PCDHGA3: variants seen among roughly 807,000 people sequenced by gnomAD.
The protein encoded by PCDHGA3 is protocadherin gamma-A3.
PCDHGA3 carries 40 observed loss-of-function variants against 58.5 expected under a neutral mutation model. The ratio of observed to expected loss-of-function variants is 0.68; its 90% CI spans 0.53 to 0.89. The LOEUF (loss-of-function observed/expected upper bound fraction) is 0.89. PCDHGA3 is among the 40% of genes least tolerant of loss of function. PCDHGA3 has a pLI of 0.00. For synonymous variants in PCDHGA3, 530 were observed against 525.7 expected, an observed-to-expected ratio of 1.01 and a Z score of -0.11; for missense variants, 1,223 against 1,195.9, an observed-to-expected ratio of 1.02 and a Z score of -0.33.
chr5:141,397,287 G>A (rs2093504712), intron 1 of PCDHGA3, among the ~76,000 whole-genome samples: 1 of 152,134 alleles, frequency 6.6e-6, no homozygotes, highest in Admixed American at 6.5e-5. Flanking sequence ...CAGTATACTT[G>A]AATGAATATT....
intron 3 of PCDHGA3, among the ~76,000 whole-genome samples, chr5:141,506,363 C>T (rs1013247178): frequency 4.0e-5 from 6 of 150,792 alleles, no homozygotes; most frequent in South Asian, 4.2e-4. Context: ...GCAGGAGAAT[C>T]GCTTGAACCT....
Position 141,409,092 on chromosome 5 carries a change from A to C in PCDHGA3, c.2424+62635A>C, listed in dbSNP as rs150634031. On this transcript the variant is annotated intron_variant, in intron 1 of 3. Coordinates refer to ENST00000253812, the MANE Select transcript of PCDHGA3 (RefSeq NM_018916.4). ...AAACATATGTTCTCATTGGATGAGA[A>C]AACAGGTATGATTAAGAATAACCAG... 12 of 1,614,050 alleles carry C rather than the reference A, an allele frequency of 7.4e-6. No homozygotes were observed. The East Asian group carries it at 2.7e-4, about 36-fold the overall frequency.
At chr5:141,404,811 G>A (rs2094571358) in intron 1 of PCDHGA3, 1 of 1,606,238 alleles carries the variant, frequency 6.2e-7, no homozygotes, top group African/African-American at 1.4e-5. Flanking sequence ...TTCTCGGTGG[G>A]GCTGCACACA....
intron 1 of PCDHGA3, among the ~76,000 whole-genome samples, chr5:141,447,123 T>G (rs1004463863): frequency 1.3e-5 from 2 of 152,160 alleles, no homozygotes; most frequent in Non-Finnish European, 2.9e-5. Flanking sequence ...CCATGGATTT[T>G]TTTGTTTGTT....
At chr5:141,460,981 GTGTATA>G (rs1450537646) in intron 1 of PCDHGA3, among the ~76,000 whole-genome samples, 10 of 121,882 alleles carry the variant, frequency 8.2e-5, no homozygotes, top group African/African-American at 3.1e-4. Flanking sequence ...GTGTGTGTGT[GTGTATA>G]TATATATATG....
Position 141,477,447 on chromosome 5 carries a change from G to C in PCDHGA3, c.2425-17360G>C, listed in dbSNP as rs779097830. On this transcript the variant is annotated intron_variant, in intron 1 of 3. Coordinates refer to ENST00000253812, the MANE Select transcript of PCDHGA3 (RefSeq NM_018916.4). The surrounding 1 kb of genome is among the most constrained non-coding windows in gnomAD (Gnocchi z 4.9). ...TCCCTCTCAGCCCTTACAATAGTGCGTGTTCAAGTGTCCGACATCAATGAC... is the reference window on the plus strand; with the variant it reads ...TCCCTCTCAGCCCTTACAATAGTGCCTGTTCAAGTGTCCGACATCAATGAC... The C allele has an allele frequency of 1.6e-5, 26 of 1,614,098 alleles. No individual in the cohort carries two copies. Among genetic ancestry groups the C allele is most frequent in the Non-Finnish European group, 2.2e-5 (26 of 1,180,016 alleles).
chr5:141,488,222 G>A (rs1351438124), intron 1 of PCDHGA3, among the ~76,000 whole-genome samples: 1 of 152,104 alleles, frequency 6.6e-6, no homozygotes, highest in Admixed American at 6.5e-5. Flanking sequence ...TCCCTACTGG[G>A]GATTTGAACT....
chr5:141,451,148 G>A (rs536843411), intron 1 of PCDHGA3, among the ~76,000 whole-genome samples: 2 of 152,154 alleles, frequency 1.3e-5, no homozygotes, highest in East Asian at 3.9e-4. Flanking sequence ...ATTTAGACTA[G>A]ACATTTTTTT....
In PCDHGA3 at chr5:141,493,664, G is replaced by A. The variant is rs2099749444; in HGVS notation, c.2425-1143G>A. Reference sequence around the variant, plus strand: ...TGGCCATCCCTGTGCCCTTCTCCATGGCAGCCCCAGAATGGTGCTGGTGAC... The same window carrying A: ...TGGCCATCCCTGTGCCCTTCTCCATAGCAGCCCCAGAATGGTGCTGGTGAC... On this transcript the variant is annotated intron_variant, in intron 1 of 3. Coordinates refer to ENST00000253812, the MANE Select transcript of PCDHGA3 (RefSeq NM_018916.4). This position sits in a 1 kb window ranked among gnomAD's most constrained non-coding sequence, Gnocchi z 4.3. Among the ~76,000 whole-genome samples, 1 of 152,136 alleles carries A rather than the reference G, an allele frequency of 6.6e-6. No homozygotes were observed. Among genetic ancestry groups the A allele is most frequent in the Non-Finnish European group, 1.5e-5 (1 of 68,026 alleles).
intron 1 of PCDHGA3, among the ~76,000 whole-genome samples, chr5:141,450,485 TTGTC>T (rs1466269978): frequency 1.3e-5 from 2 of 152,158 alleles, no homozygotes; most frequent in African/African-American, 2.4e-5. Flanking sequence ...GTTTGTTTGT[TTGTC>T]TGTTTGTTTG....
intron 2 of PCDHGA3, among the ~76,000 whole-genome samples, chr5:141,497,540 CT>C (rs754207034): frequency 0.18 from 24,498 of 134,808 alleles, 2,020 homozygotes; most frequent in African/African-American, 0.21. Flanking sequence ...TGCAACAAAC[CT>C]TTTTTTTTTT....
chr5:141,489,696 C>T lies in PCDHGA3; in HGVS notation c.2425-5111C>T. On this transcript the variant is annotated intron_variant, in intron 1 of 3. Transcript: ENST00000253812. This position sits in a 1 kb window ranked among gnomAD's most constrained non-coding sequence, Gnocchi z 4.5. ...AATCAGCAGCATCTGGGGCACGATT[C>T]CCACTGGACAGTGCCCAGGATCCGG... 6.2e-7 allele frequency: 1 copy of T among 1,614,170 alleles called. No homozygotes were observed. Among genetic ancestry groups the T allele is most frequent in the Non-Finnish European group, 8.5e-7 (1 of 1,180,002 alleles).
At chr5:141,418,305 G>T in intron 1 of PCDHGA3, 1 of 1,614,026 alleles carries the variant, frequency 6.2e-7, no homozygotes, top group South Asian at 1.1e-5. Context: ...GTCAGCCTGG[G>T]GATGGGAACA....
Position 141,356,972 on chromosome 5 carries a change from T to C in PCDHGA3, c.2424+10515T>C, listed in dbSNP as rs1169153458. 1.2e-6 allele frequency: 2 copies of C among 1,614,222 alleles called. No homozygotes were observed. Among genetic ancestry groups the C allele is most frequent in the Non-Finnish European group, 1.7e-6 (2 of 1,180,044 alleles). On this transcript the variant is annotated intron_variant, in intron 1 of 3. Coordinates refer to ENST00000253812, the MANE Select transcript of PCDHGA3 (RefSeq NM_018916.4). ...GATTCCGGCTACCTGGTGACCAAAGTGGTGGCAGTGGACAGAGACTCAGGT... is the reference window on the plus strand; with the variant it reads ...GATTCCGGCTACCTGGTGACCAAAGCGGTGGCAGTGGACAGAGACTCAGGT...
rs766885846 is a variant in PCDHGA3 at position 141,393,434 on chromosome 5, TCAC to T, written c.2424+46982_2424+46984del. The stretch of plus-strand genomic sequence containing the variant: ...CCCTGGACAGGGAGGAAGAGGCTGC[TCAC>T]CACCTGGTCCTCACGGCCTCGGATG... On this transcript the variant is annotated intron_variant, in intron 1 of 3. Coordinates refer to ENST00000253812, the MANE Select transcript of PCDHGA3 (RefSeq NM_018916.4). 11 of 1,613,902 alleles carry T rather than the reference TCAC, an allele frequency of 6.8e-6. No individual in the cohort carries two copies. The African/African-American group carries it at 1.2e-4, about 18-fold the overall frequency.
intron 1 of PCDHGA3, among the ~76,000 whole-genome samples, chr5:141,380,592 C>A (rs1776595781): frequency 6.6e-6 from 1 of 152,050 alleles, no homozygotes; most frequent in South Asian, 2.1e-4. Flanking sequence ...TAGTAAAGAT[C>A]TTTAATATTT....
intron 1 of PCDHGA3, among the ~76,000 whole-genome samples, chr5:141,482,207 G>T (rs983812650): frequency 6.6e-6 from 1 of 152,130 alleles, no homozygotes; most frequent in East Asian, 1.9e-4. Flanking sequence ...AAACAGACCA[G>T]GTACTTGTTT....
chr5:141,502,373 C>A (rs2099813965), intron 2 of PCDHGA3, among the ~76,000 whole-genome samples: 1 of 151,806 alleles, frequency 6.6e-6, no homozygotes, highest in African/African-American at 2.4e-5. Context: ...TTAAAGAGTC[C>A]AGGCCAGTTG....
chr5:141,478,941 A>G (rs889484528), intron 1 of PCDHGA3: 2 of 589,470 alleles, frequency 3.4e-6, no homozygotes, highest in Non-Finnish European at 5.6e-6. Context: ...TTCTAGGAAT[A>G]CAAAAACTAC....
Sources: allele counts gnomAD v4.1 joint callset (sites outside exome capture counted in the v4.1 genomes callset), GRCh38; gene constraint gnomAD v4.1.1; non-coding constraint Gnocchi (gnomAD v3.1); transcripts MANE v1.5; gene names NCBI Gene and HGNC (gene_info 2026-07-23, HGNC 2026-07-21).